Variants in HMCN1 observed in about 807,000 individuals in gnomAD.
The protein encoded by HMCN1 is hemicentin-1.
Under a neutral mutation model 625.9 loss-of-function variants are expected in HMCN1, and 321 were observed. The ratio of observed to expected loss-of-function variants is 0.51; its 90% CI spans 0.47 to 0.56. The LOEUF (loss-of-function observed/expected upper bound fraction) is 0.56, where lower values mean the gene tolerates loss of function less well. Ranked by LOEUF, HMCN1 falls within the 20% of genes least tolerant of loss-of-function variation. The probability of loss-of-function intolerance (pLI) is 0.00; values close to 1 mark genes in which losing one functional copy is unlikely to be tolerated. For missense variants in HMCN1, 6,588 were observed against 6,887.3 expected (o/e 0.96, Z 1.54); for synonymous variants, 2,425 against 2,417.6 (o/e 1.00, Z -0.09).
At chr1:185,831,451 G>A (rs1660857292) in intron 1 of HMCN1, among the ~76,000 whole-genome samples, 1 of 152,106 alleles carries the variant, frequency 6.6e-6, no homozygotes, top group African/African-American at 2.4e-5. Flanking sequence ...CCTTAGCGGG[G>A]AAACACTAGA....
At position 186,136,772 on chromosome 1, in the gene HMCN1, TG is replaced by T; in HGVS notation, c.13419del (p.Trp4473CysfsTer42). On this transcript the variant is annotated frameshift_variant, in exon 87 of 107. Coordinates refer to ENST00000271588, the MANE Select transcript of HMCN1 (RefSeq NM_031935.3). LOFTEE classifies it high-confidence loss of function. The part of the protein sequence containing the change: ...ATGEPQPTIT[W>X]SRQGHSISWD... ...TGGAGAGCCTCAACCAACCATTACATGGTCCCGTCAAGGGCACTCTATTTCC... is the reference window on the plus strand; with the variant it reads ...TGGAGAGCCTCAACCAACCATTACATGTCCCGTCAAGGGCACTCTATTTCC... 1 of 1,614,036 alleles carries T rather than the reference TG, an allele frequency of 6.2e-7. No homozygotes were observed. Among genetic ancestry groups the T allele is most frequent in the Non-Finnish European group, 8.5e-7 (1 of 1,179,956 alleles).
chr1:185,990,564 A>G, intron 22 of HMCN1, 121 bp downstream of exon 22: 1 of 794,818 alleles, frequency 1.3e-6, no homozygotes, highest in Non-Finnish European at 2.2e-6. Flanking sequence ...GAGATAATTC[A>G]CATGTACATC....
chr1:186,122,149 G>A (rs1456569367), intron 80 of HMCN1, among the ~76,000 whole-genome samples: 1 of 152,150 alleles, frequency 6.6e-6, no homozygotes, highest in Non-Finnish European at 1.5e-5. Context: ...CATTCCAAAA[G>A]CAATCGGAGA....
intron 63 of HMCN1, among the ~76,000 whole-genome samples, chr1:186,090,015 C>T (rs1418194103): frequency 6.6e-6 from 1 of 151,844 alleles, no homozygotes; most frequent in Non-Finnish European, 1.5e-5. Flanking sequence ...AAGATTTCAA[C>T]CTACCAAAGG....
intron 11 of HMCN1, among the ~76,000 whole-genome samples, chr1:185,935,109 T>A (rs370914963): frequency 1.3e-4 from 20 of 152,254 alleles, no homozygotes; most frequent in African/African-American, 4.8e-4. Flanking sequence ...CCAAACTGAT[T>A]GTTTCAGATA....
chr1:185,907,147 T>A (rs754439772), intron 4 of HMCN1, among the ~76,000 whole-genome samples: 2 of 151,854 alleles, frequency 1.3e-5, no homozygotes, highest in African/African-American at 4.8e-5. Context: ...GCATGATAGA[T>A]CATTAAGAAC....
chr1:186,138,216 G>A (rs1261078583), intron 89 of HMCN1, among the ~76,000 whole-genome samples: 1 of 152,104 alleles, frequency 6.6e-6, no homozygotes, highest in Non-Finnish European at 1.5e-5. Context: ...AAACTGGAGT[G>A]TATTTCTCAA....
chr1:186,019,024 T>A (rs1345382618), intron 34 of HMCN1, among the ~76,000 whole-genome samples: 1 of 152,026 alleles, frequency 6.6e-6, no homozygotes, highest in Non-Finnish European at 1.5e-5. Context: ...ACTGCTGTTT[T>A]CTTGATTTTT....
intron 4 of HMCN1, among the ~76,000 whole-genome samples, chr1:185,892,058 A>T (rs1665131688): frequency 6.6e-6 from 1 of 150,676 alleles, no homozygotes; most frequent in African/African-American, 2.5e-5. Flanking sequence ...CATTTCATTC[A>T]TTTCATCTTC....
At chr1:186,179,632 G>C (rs918854374) in intron 104 of HMCN1, among the ~76,000 whole-genome samples, 1 of 152,022 alleles carries the variant, frequency 6.6e-6, no homozygotes, top group Non-Finnish European at 1.5e-5. Context: ...AACAAATTCC[G>C]TTTAAATTCA....
At chr1:185,794,542 A>G (rs1313569744) in intron 1 of HMCN1, among the ~76,000 whole-genome samples, 1 of 151,860 alleles carries the variant, frequency 6.6e-6, no homozygotes, top group African/African-American at 2.4e-5. Context: ...AAGGGCAGGA[A>G]GCATCCAGTA....
At chr1:185,778,745 T>C (rs1385804198) in intron 1 of HMCN1, among the ~76,000 whole-genome samples, 7 of 152,162 alleles carry the variant, frequency 4.6e-5, no homozygotes, top group Non-Finnish European at 1.0e-4. Flanking sequence ...CAATCTATCA[T>C]TGATGGACAT....
At chr1:185,933,242 C>T (rs1198936623) in intron 10 of HMCN1, among the ~76,000 whole-genome samples, 1 of 151,772 alleles carries the variant, frequency 6.6e-6, no homozygotes, top group Non-Finnish European at 1.5e-5. Flanking sequence ...AAAACTTTGC[C>T]TCCTTTCACA....
intron 30 of HMCN1, among the ~76,000 whole-genome samples, chr1:186,011,502 C>T (rs1350877077): frequency 6.6e-6 from 1 of 152,116 alleles, no homozygotes; most frequent in Non-Finnish European, 1.5e-5. Flanking sequence ...TTATATTATT[C>T]TCTTGATATT....
intron 16 of HMCN1, among the ~76,000 whole-genome samples, chr1:185,978,815 G>T: frequency 6.6e-6 from 1 of 151,998 alleles, no homozygotes; most frequent in Non-Finnish European, 1.5e-5. Flanking sequence ...TGAGTAGCTG[G>T]GATTACAGGT....
chr1:186,127,958 G>C, intron 82 of HMCN1, 120 bp from the exon 83 acceptor site: 1 of 861,840 alleles, frequency 1.2e-6, no homozygotes. Flanking sequence ...CTAAAAGATG[G>C]AAATTTAAAT....
intron 1 of HMCN1, among the ~76,000 whole-genome samples, chr1:185,794,445 C>T (rs550234864): frequency 1.3e-5 from 2 of 149,756 alleles, no homozygotes; most frequent in East Asian, 3.9e-4. Context: ...GGAAGCCAGT[C>T]TGAGTCCCAA....
intron 48 of HMCN1, among the ~76,000 whole-genome samples, 191 bp downstream of exon 48, chr1:186,062,791 G>C (rs1657797376): frequency 6.6e-6 from 1 of 151,534 alleles, no homozygotes; most frequent in South Asian, 2.1e-4. Flanking sequence ...TTACTTATTA[G>C]GTAATTTCTC....
At chr1:185,935,104 C>A (rs1011372232) in intron 11 of HMCN1, among the ~76,000 whole-genome samples, 5 of 152,094 alleles carry the variant, frequency 3.3e-5, no homozygotes, top group Admixed American at 2.6e-4. Context: ...TTTTACCAAA[C>A]TGATTGTTTC....
Sources: allele counts gnomAD v4.1 joint callset (sites outside exome capture counted in the v4.1 genomes callset), GRCh38; gene constraint gnomAD v4.1.1; transcripts MANE v1.5; gene names NCBI Gene and HGNC (gene_info 2026-07-23, HGNC 2026-07-21).